SLC26A8: variants seen among roughly 807,000 people sequenced by gnomAD.
SLC26A8 encodes testis anion transporter 1.
A neutral mutation model predicts 105.0 loss-of-function variants in SLC26A8; 70 were observed. The ratio of observed to expected loss-of-function variants is 0.67; its 90% CI spans 0.55 to 0.81. The LOEUF is 0.81. SLC26A8 is among the 40% of genes least tolerant of loss of function. The probability of loss-of-function intolerance (pLI) is 0.00; values close to 1 mark genes in which losing one functional copy is unlikely to be tolerated. For missense variants in SLC26A8, 998 were observed against 1,181.8 expected (o/e 0.84, Z 2.28); for synonymous variants, 415 against 438.3 (o/e 0.95, Z 0.66).
At chr6:35,976,779 C>T (rs1773055619) in intron 9 of SLC26A8, among the ~76,000 whole-genome samples, 2 of 151,896 alleles carry the variant, frequency 1.3e-5, no homozygotes, top group African/African-American at 4.8e-5. Flanking sequence ...CTCCTGACCT[C>T]GTGATCCACC....
chr6:35,971,584 T>C (rs540771379), intron 10 of SLC26A8, among the ~76,000 whole-genome samples: 15 of 152,330 alleles, frequency 9.8e-5, no homozygotes, highest in African/African-American at 3.6e-4. Flanking sequence ...TAGCATCTAA[T>C]TTAATTCTCA....
Position 35,944,331 on chromosome 6 carries a change from A to G in SLC26A8, c.2482T>C (p.Ser828Pro). ...AAACTGCTGCTCATTTTATATCTTGAATTGTCATTCTGAAATACAATTAGG... is the reference window on the plus strand; with the variant it reads ...AAACTGCTGCTCATTTTATATCTTGGATTGTCATTCTGAAATACAATTAGG... The part of the protein sequence containing the change: ...TYSETDKNDN[S>P]RYKMSSSFLG... Residue 828 changes from serine (S) to proline (P), a missense_variant, in exon 20 of 20, where the codon TCA (serine) becomes CCA (proline). By Grantham distance (74) the Ser-to-Pro change is moderately conservative. Transcript: ENST00000490799. 1 of 1,609,222 alleles carries G rather than the reference A, an allele frequency of 6.2e-7. No individual in the cohort carries two copies. The highest frequency in any genetic ancestry group is 1.1e-5 in the South Asian group (1 of 90,956).
At chr6:36,011,657 G>C (rs964682768) in intron 3 of SLC26A8, among the ~76,000 whole-genome samples, 6 of 152,064 alleles carry the variant, frequency 3.9e-5, no homozygotes, top group Non-Finnish European at 8.8e-5. Context: ...GCCCAGGCTG[G>C]AGTGCAGTGG....
At chr6:35,994,557 C>T (rs1027369937) in intron 5 of SLC26A8, among the ~76,000 whole-genome samples, 2 of 151,116 alleles carry the variant, frequency 1.3e-5, no homozygotes, top group Non-Finnish European at 2.9e-5. Context: ...TCCATCTCTG[C>T]CAATCCATGT....
In SLC26A8 at chr6:35,992,659, A is replaced by G. The variant is rs768434254; in HGVS notation, c.643T>C (p.Leu215=). ...TGIIQLIMGV[L]GLGFIATYLP... Reference sequence around the variant, plus strand: ...TAAGTGGCAATGAAGCCCAAACCCAATACGCCCATTATTAGCTGCAGAGAA... The same window carrying G: ...TAAGTGGCAATGAAGCCCAAACCCAGTACGCCCATTATTAGCTGCAGAGAA... Residue 215 remains leucine (L), a synonymous_variant, in exon 6 of 20, where the codon TTG becomes CTG. Coordinates refer to ENST00000490799, the MANE Select transcript of SLC26A8 (RefSeq NM_052961.4). The G allele has an allele frequency of 1.9e-6, 3 of 1,610,634 alleles. No homozygotes were observed. Among genetic ancestry groups the G allele is most frequent in the Non-Finnish European group, 2.5e-6 (3 of 1,178,840 alleles).
intron 3 of SLC26A8, among the ~76,000 whole-genome samples, chr6:36,010,076 TGTGACCAGTGATCCAG>T (rs1311429079): frequency 6.6e-6 from 1 of 152,176 alleles, no homozygotes. Context: ...ACACGTACCA[TGTGACCAGTGATCCAG>T]CTCCAGCTTA....
chr6:35,956,586 G>A (rs1772070596), intron 16 of SLC26A8, among the ~76,000 whole-genome samples: 2 of 152,138 alleles, frequency 1.3e-5, no homozygotes, highest in African/African-American at 4.8e-5. Flanking sequence ...TGCATTTACA[G>A]GAACCAGACT....
At chr6:35,955,076 T>C (rs767235833) in intron 17 of SLC26A8, 76 bp downstream of exon 17, 1 of 1,577,898 alleles carries the variant, frequency 6.3e-7, no homozygotes, top group Non-Finnish European at 8.7e-7. Context: ...ACTAACAGAA[T>C]TCAATCAGGA....
intron 11 of SLC26A8, among the ~76,000 whole-genome samples, chr6:35,963,027 G>C (rs1481035444): frequency 6.6e-6 from 1 of 152,114 alleles, no homozygotes; most frequent in African/African-American, 2.4e-5. Flanking sequence ...GGCAAGGTCA[G>C]GCCAACGTCA....
chr6:35,956,154 T>C (rs1772051175), intron 16 of SLC26A8, among the ~76,000 whole-genome samples: 1 of 152,084 alleles, frequency 6.6e-6, no homozygotes, highest in Non-Finnish European at 1.5e-5. Context: ...CCCCACCTAC[T>C]GGGGAGGCTG....
At chr6:36,001,949 G>A (rs1458953142) in intron 3 of SLC26A8, among the ~76,000 whole-genome samples, 1 of 152,126 alleles carries the variant, frequency 6.6e-6, no homozygotes, top group Non-Finnish European at 1.5e-5. Flanking sequence ...GAGTTTTGGG[G>A]TGATCTTTAA....
chr6:36,022,732 T>C (rs1581706652), intron 1 of SLC26A8, among the ~76,000 whole-genome samples: 1 of 152,016 alleles, frequency 6.6e-6, no homozygotes, highest in African/African-American at 2.4e-5. Flanking sequence ...GGTTTCCTTA[T>C]TATTTTTTTT....
At chr6:35,960,805 C>A (rs1772278188) in intron 14 of SLC26A8, 38 bp downstream of exon 14, 1 of 1,598,324 alleles carries the variant, frequency 6.3e-7, no homozygotes, top group Admixed American at 1.7e-5. Context: ...CCCACTCTAT[C>A]CCTTAGGCAG....
intron 7 of SLC26A8, among the ~76,000 whole-genome samples, chr6:35,986,854 T>C (rs559798371): frequency 8.5e-5 from 13 of 152,284 alleles, no homozygotes; most frequent in African/African-American, 3.1e-4. Context: ...ATATACCACA[T>C]GTATCCATTT....
At chr6:35,968,605 G>GAA (rs1402291129) in intron 11 of SLC26A8, among the ~76,000 whole-genome samples, 1,848 of 53,740 alleles carry the variant, frequency 0.034, 106 homozygotes, top group South Asian at 0.044. Context: ...GTGTGTGTGT[G>GAA]TGTGTATATA....
intron 3 of SLC26A8, among the ~76,000 whole-genome samples, chr6:36,004,958 A>G (rs763396229): frequency 2.2e-4 from 34 of 151,360 alleles, no homozygotes; most frequent in Admixed American, 9.3e-4. Context: ...GAGTCACCAC[A>G]CCTGGCCCCC....
intron 3 of SLC26A8, among the ~76,000 whole-genome samples, chr6:36,002,437 T>A (rs1270406847): frequency 2.6e-5 from 4 of 152,156 alleles, no homozygotes; most frequent in African/African-American, 9.7e-5. Context: ...TGCCAAACTG[T>A]TTTCCAAATG....
At chr6:35,967,438 T>C (rs1002849434) in intron 11 of SLC26A8, among the ~76,000 whole-genome samples, 4 of 152,292 alleles carry the variant, frequency 2.6e-5, no homozygotes, top group Middle Eastern at 3.4e-3. Context: ...GGTCACTGAG[T>C]ATAGACCTAC....
At chr6:35,989,945 T>C (rs1251245551) in intron 7 of SLC26A8, 3 of 128,932 alleles carry the variant, frequency 2.3e-5, no homozygotes, top group Admixed American at 7.9e-5. Context: ...TTTTTTTTTT[T>C]TTTTTTTTTT....
Sources: allele counts gnomAD v4.1 joint callset (sites outside exome capture counted in the v4.1 genomes callset), GRCh38; gene constraint gnomAD v4.1.1; transcripts MANE v1.5; gene names NCBI Gene and HGNC (gene_info 2026-07-23, HGNC 2026-07-21).